ENTREP2: variants seen among roughly 807,000 people sequenced by gnomAD.
The protein encoded by ENTREP2 is protein ENTREP2.
the ENTREP2 span, among the ~76,000 whole-genome samples, chr15:29,190,836 G>A: frequency 1.3e-5 from 2 of 152,114 alleles, no homozygotes; most frequent in African/African-American, 2.4e-5. Context: ...TTAGACTATG[G>A]AAAAGATCAA....
At chr15:29,505,121 G>GT in the ENTREP2 span, among the ~76,000 whole-genome samples, 1 of 152,256 alleles carries the variant, frequency 6.6e-6, no homozygotes, top group Non-Finnish European at 1.5e-5. This position sits in a 1 kb window ranked among gnomAD's most constrained non-coding sequence, Gnocchi z 4.3. Flanking sequence ...CATGGAGAAT[G>GT]TTTAAGTGTT....
the ENTREP2 span, chr15:29,233,817 C>T: frequency 3.8e-6 from 6 of 1,575,020 alleles, no homozygotes; most frequent in Admixed American, 6.7e-5. Context: ...TGTTCACTGT[C>T]TGGCGAAGAT....
the ENTREP2 span, among the ~76,000 whole-genome samples, chr15:29,525,484 C>T: frequency 6.6e-6 from 1 of 152,224 alleles, no homozygotes; most frequent in Admixed American, 6.5e-5. Context: ...AAATAGACCA[C>T]TACCAAAATT....
chr15:29,125,839 G>A, the ENTREP2 span, among the ~76,000 whole-genome samples: 1 of 152,230 alleles, frequency 6.6e-6, no homozygotes, highest in African/African-American at 2.4e-5. Context: ...GCTCTGGGCT[G>A]TGTGGAGAGC....
chr15:29,437,534 T>C, the ENTREP2 span, among the ~76,000 whole-genome samples: 1 of 152,172 alleles, frequency 6.6e-6, no homozygotes, highest in Non-Finnish European at 1.5e-5. Flanking sequence ...GACTGAGAGG[T>C]TGGATAATTA....
At chr15:29,407,448 T>C in the ENTREP2 span, among the ~76,000 whole-genome samples, 1 of 152,040 alleles carries the variant, frequency 6.6e-6, no homozygotes, top group South Asian at 2.1e-4. Context: ...TATGAGCACA[T>C]GAAGTCTATC....
At chr15:29,416,070 C>T in the ENTREP2 span, among the ~76,000 whole-genome samples, 1 of 152,096 alleles carries the variant, frequency 6.6e-6, no homozygotes, top group Admixed American at 6.6e-5. Context: ...GGCCATAATG[C>T]CCAAGGTAAT....
chr15:29,469,161 G>A, the ENTREP2 span, among the ~76,000 whole-genome samples: 3 of 152,106 alleles, frequency 2.0e-5, no homozygotes, highest in African/African-American at 7.2e-5. Context: ...AGTCACAGAG[G>A]ACAAATCCTG....
chr15:29,291,697 T>C, the ENTREP2 span, among the ~76,000 whole-genome samples: 3 of 152,362 alleles, frequency 2.0e-5, no homozygotes, highest in African/African-American at 7.2e-5. Flanking sequence ...ATCTCCTCTT[T>C]GTGAGTTTGA....
the ENTREP2 span, among the ~76,000 whole-genome samples, chr15:29,336,339 T>C: frequency 2.6e-5 from 4 of 151,202 alleles, no homozygotes; most frequent in African/African-American, 9.7e-5. Flanking sequence ...TGAGACAGAG[T>C]CTCACTCTGT....
the ENTREP2 span, among the ~76,000 whole-genome samples, chr15:29,384,121 C>A: frequency 6.6e-6 from 1 of 152,166 alleles, no homozygotes; most frequent in Admixed American, 6.5e-5. Flanking sequence ...ACACCATGTT[C>A]CCATGTCATT....
At chr15:29,296,248 G>C in the ENTREP2 span, among the ~76,000 whole-genome samples, 1 of 152,176 alleles carries the variant, frequency 6.6e-6, no homozygotes, top group African/African-American at 2.4e-5. Flanking sequence ...GTAGAAAAGA[G>C]ATGATGGTGG....
At chr15:29,159,026 T>A in the ENTREP2 span, among the ~76,000 whole-genome samples, 2 of 152,024 alleles carry the variant, frequency 1.3e-5, no homozygotes, top group Non-Finnish European at 2.9e-5. Flanking sequence ...CATTAAACAG[T>A]TCAGGACATT....
chr15:29,604,877 C>T, the ENTREP2 span, among the ~76,000 whole-genome samples: 1 of 152,124 alleles, frequency 6.6e-6, no homozygotes, highest in African/African-American at 2.4e-5. Flanking sequence ...GAGCCCTTAC[C>T]GGCATCACGA....
the ENTREP2 span, among the ~76,000 whole-genome samples, chr15:29,402,472 G>C: frequency 2.6e-5 from 4 of 152,024 alleles, no homozygotes; most frequent in East Asian, 7.7e-4. Context: ...TGCATCACCC[G>C]GCTGATTTTT....
At chr15:29,601,420 T>G in the ENTREP2 span, among the ~76,000 whole-genome samples, 2 of 149,760 alleles carry the variant, frequency 1.3e-5, no homozygotes, top group African/African-American at 4.9e-5. Context: ...TTAAAGTGTT[T>G]CCCCACCACC....
the ENTREP2 span, among the ~76,000 whole-genome samples, chr15:29,329,232 A>G: frequency 3.3e-5 from 5 of 151,716 alleles, no homozygotes; most frequent in Non-Finnish European, 7.4e-5. Flanking sequence ...GCATGGTGGC[A>G]GGTGCCTGTA....
At chr15:29,438,301 G>A in the ENTREP2 span, among the ~76,000 whole-genome samples, 7 of 152,350 alleles carry the variant, frequency 4.6e-5, no homozygotes, top group African/African-American at 1.4e-4. Context: ...AGCCTCCCCA[G>A]TGTTAAAGTA....
the ENTREP2 span, among the ~76,000 whole-genome samples, chr15:29,220,800 G>A: frequency 6.6e-6 from 1 of 150,546 alleles, no homozygotes; most frequent in Non-Finnish European, 1.5e-5. Flanking sequence ...TATAACATTC[G>A]TTGACCTTTT....
Sources: allele counts gnomAD v4.1 joint callset (sites outside exome capture counted in the v4.1 genomes callset), GRCh38; gene constraint gnomAD v4.1.1; non-coding constraint Gnocchi (gnomAD v3.1); transcripts MANE v1.5; gene names NCBI Gene and HGNC (gene_info 2026-07-23, HGNC 2026-07-21).